Variants in MED1 observed in about 807,000 individuals in gnomAD.
MED1 encodes the protein mediator complex subunit 1, also known as mediator of RNA polymerase II transcription subunit 1.
Under a neutral mutation model 121.3 loss-of-function variants are expected in MED1, and 17 were observed. The ratio of observed to expected loss-of-function variants is 0.14; its 90% CI spans 0.10 to 0.21. MED1 has a LOEUF of 0.21. MED1 is among the 10% of genes least tolerant of loss of function. MED1 has a pLI of 1.00. For synonymous variants in MED1, 661 were observed against 694.4 expected (o/e 0.95, Z 0.76); for missense variants, 1,558 against 1,919.4 (o/e 0.81, Z 3.52).
intron 3 of MED1, among the ~76,000 whole-genome samples, chr17:39,443,212 G>A (rs1330860304): frequency 5.3e-5 from 8 of 151,474 alleles, no homozygotes; most frequent in African/African-American, 1.9e-4. Flanking sequence ...ATGTTGGCCA[G>A]GCTGGTCTCA....
chr17:39,405,076 C>T lies in MED1; in HGVS notation c.*2399G>A. On this transcript the variant is annotated 3_prime_UTR_variant, in exon 17 of 17. Coordinates refer to ENST00000300651, the MANE Select transcript of MED1 (RefSeq NM_004774.4). Reference sequence around the variant, plus strand: ...TTCATGTCCTTGCCTTCTTTTGAAACAGAAGAATGAGTACACCTAGACAGG... The same window carrying T: ...TTCATGTCCTTGCCTTCTTTTGAAATAGAAGAATGAGTACACCTAGACAGG... 1 of 886,168 alleles carries T rather than the reference C, an allele frequency of 1.1e-6. No individual in the cohort carries two copies. Among genetic ancestry groups the T allele is most frequent in the Non-Finnish European group, 1.6e-6 (1 of 621,610 alleles). 54.9% of individuals were successfully genotyped at this position (886,168 alleles called of 1,614,324 possible). A position where few individuals can be genotyped will look rare whatever the true frequency, so the allele number is the denominator to read the frequency against.
Position 39,408,088 on chromosome 17 carries a change from G to A in MED1, c.4133C>T (p.Thr1378Ile). The change falls in exon 17 of 17, where the codon ACC becomes ATC. Residue 1378 changes from threonine to isoleucine, a missense_variant. By Grantham distance (89) the Thr-to-Ile change is moderately conservative. This residue lies in a region of MED1 where 264 missense variants were observed against 326.1 expected (regional missense o/e 0.81). Coordinates refer to ENST00000300651, the MANE Select transcript of MED1 (RefSeq NM_004774.4). This position sits in a 1 kb window ranked among gnomAD's most constrained non-coding sequence, Gnocchi z 4.7. The stretch of plus-strand genomic sequence containing the variant: ...GCTCCCCACATTTTTTGACTCTGAG[G>A]TCTTCTTAGAAGAATCCACTGAACT... ...SGSSVDSSKK[T>I]SESKNVGSTG... 1 of 1,614,102 alleles carries A rather than the reference G, an allele frequency of 6.2e-7. No individual in the cohort carries two copies. Among genetic ancestry groups the A allele is most frequent in the Non-Finnish European group, 8.5e-7 (1 of 1,180,018 alleles).
intron 6 of MED1, among the ~76,000 whole-genome samples, chr17:39,437,335 C>T (rs2048629577): frequency 6.6e-6 from 1 of 152,146 alleles, no homozygotes; most frequent in African/African-American, 2.4e-5. Context: ...ACTTCGACCT[C>T]CCAAATTGTT....
intron 6 of MED1, among the ~76,000 whole-genome samples, chr17:39,435,890 A>G (rs755150440): frequency 5.3e-5 from 8 of 152,058 alleles, no homozygotes; most frequent in Non-Finnish European, 1.0e-4. Flanking sequence ...TTTAGTAGAC[A>G]TAAGGTTTCA....
intron 6 of MED1, among the ~76,000 whole-genome samples, chr17:39,438,505 G>C (rs977615370): frequency 2.2e-4 from 34 of 151,854 alleles, no homozygotes; most frequent in Non-Finnish European, 3.2e-4. Flanking sequence ...ACCACACCCA[G>C]TTAATTTTTT....
intron 9 of MED1, among the ~76,000 whole-genome samples, chr17:39,428,110 G>A (rs900067701): frequency 6.6e-6 from 1 of 152,056 alleles, no homozygotes; most frequent in African/African-American, 2.4e-5. Context: ...AGCACTTTGG[G>A]AGGTAAAGAT....
rs2048398394 is a variant in MED1 at position 39,415,281 on chromosome 17, T to C, written c.1356A>G (p.Val452=). ...AGTCATTCACAGGGTGCTGAAAAGATACGCTGAAACGAGACTCTGAGAGAG... is the reference window on the plus strand; with the variant it reads ...AGTCATTCACAGGGTGCTGAAAAGACACGCTGAAACGAGACTCTGAGAGAG... ...VCPLSESRFS[V]SFQHPVNDSL... The change falls in exon 15 of 17, where the codon GTA becomes GTG. Residue 452 remains valine (V), a synonymous_variant. Coordinates refer to ENST00000300651, the MANE Select transcript of MED1 (RefSeq NM_004774.4). 6.2e-7 allele frequency: 1 copy of C among 1,613,854 alleles called. No individual in the cohort carries two copies. The highest frequency in any genetic ancestry group is 8.5e-7 in the Non-Finnish European group (1 of 1,179,914).
chr17:39,430,655 T>C (rs1000135705), intron 9 of MED1, among the ~76,000 whole-genome samples: 1 of 145,872 alleles, frequency 6.9e-6, no homozygotes, highest in African/African-American at 2.6e-5. Context: ...ATCGCGCCAC[T>C]GTACTCCAGC....
At chr17:39,447,549 T>C (rs1330664965) in intron 2 of MED1, among the ~76,000 whole-genome samples, 3 of 152,162 alleles carry the variant, frequency 2.0e-5, no homozygotes, top group African/African-American at 7.2e-5. Context: ...ATCCCCAAGA[T>C]ATCTCATTAT....
chr17:39,407,682 G>GTCCC lies in MED1; in HGVS notation c.4535_4538dup (p.Asp1513GlufsTer16). ...TGTCTCGGTCTTTGTCCCGGTCTCG[G>GTCCC]TCCCTATCTTTGTCTTTTACTTTCT... On this transcript the variant is annotated frameshift_variant, in exon 17 of 17. Coordinates refer to ENST00000300651, the MANE Select transcript of MED1 (RefSeq NM_004774.4). LOFTEE classifies it high-confidence loss of function. 6.2e-7 allele frequency: 1 copy of GTCCC among 1,614,020 alleles called. No individual in the cohort carries two copies. The highest frequency in any genetic ancestry group is 8.5e-7 in the Non-Finnish European group (1 of 1,179,934).
intron 16 of MED1, among the ~76,000 whole-genome samples, 167 bp downstream of exon 16, chr17:39,414,859 G>A (rs2048393590): frequency 6.6e-6 from 1 of 151,278 alleles, no homozygotes; most frequent in Non-Finnish European, 1.5e-5. Context: ...TAGTAGAGAT[G>A]GGGGTTCACC....
chr17:39,421,238 CAA>C (rs760121026), intron 13 of MED1, among the ~76,000 whole-genome samples: 33 of 64,792 alleles, frequency 5.1e-4, no homozygotes, highest in Admixed American at 7.1e-4. Flanking sequence ...GCACCAAGAG[CAA>C]AAAAAAAAAA....
intron 16 of MED1, among the ~76,000 whole-genome samples, chr17:39,413,103 C>T (rs2048371550): frequency 6.6e-6 from 1 of 152,072 alleles, no homozygotes; most frequent in African/African-American, 2.4e-5. Flanking sequence ...GAGATGGCAT[C>T]TTGCTCTGTC....
intron 13 of MED1, 139 bp from the exon 14 acceptor site, chr17:39,420,057 A>G (rs543523410): frequency 2.1e-5 from 14 of 656,588 alleles, no homozygotes; most frequent in Non-Finnish European, 3.4e-5. Flanking sequence ...GATATTATAA[A>G]TGTCAATCAA....
Position 39,408,042 on chromosome 17 carries a change from G to A in MED1, c.4179C>T (p.Ile1393=), listed in dbSNP as rs2048319650. The A allele has an allele frequency of 6.2e-7, 1 of 1,614,054 alleles. No individual in the cohort carries two copies. The highest frequency in any genetic ancestry group is 8.5e-7 in the Non-Finnish European group (1 of 1,180,042). ...NVGSTGVAKI[I]ISKHDGGSPS... is the part of the protein sequence containing the mutation. The stretch of plus-strand genomic sequence containing the variant: ...GGGAGCCTCCATCATGCTTACTGAT[G>A]ATAATTTTTGCCACACCTGTGCTCC... The change falls in exon 17 of 17, where the codon ATC becomes ATT. Residue 1393 remains isoleucine, a synonymous_variant. Coordinates refer to ENST00000300651, the MANE Select transcript of MED1 (RefSeq NM_004774.4). The surrounding 1 kb of genome is among the most constrained non-coding windows in gnomAD (Gnocchi z 4.7).
chr17:39,422,959 A>G (rs1467250766), intron 13 of MED1, among the ~76,000 whole-genome samples: 2 of 132,528 alleles, frequency 1.5e-5, no homozygotes, highest in Non-Finnish European at 3.1e-5. Context: ...TCTGCCTCCC[A>G]GATTCAAGCC....
Position 39,427,702 on chromosome 17 carries a change from A to G in MED1, c.738T>C (p.Asn246=), listed in dbSNP as rs995609557. ...TASPIILHEN[N]VSRSLGMNAS... ...ATTCCTTTACAATTAAAGTCTTACC[A>G]TTATTCTCATGCAAAATGATGGGAG... The change falls in exon 10 of 17, where the codon AAT becomes AAC. Residue 246 remains asparagine, a splice_region_variant and synonymous_variant. Transcript: ENST00000300651. The G allele has an allele frequency of 1.3e-6, 2 of 1,585,298 alleles. No individual in the cohort carries two copies. The highest frequency in any genetic ancestry group is 1.7e-6 in the Non-Finnish European group (2 of 1,154,800).
chr17:39,446,788 A>C (rs893734200), intron 2 of MED1, among the ~76,000 whole-genome samples: 23 of 152,056 alleles, frequency 1.5e-4, no homozygotes, highest in Admixed American at 8.5e-4. Context: ...AAAAAAAAAA[A>C]AAACTAGCTG....
Position 39,424,635 on chromosome 17 carries a change from G to A in MED1, c.843C>T (p.Asp281=), listed in dbSNP as rs189844609. ...APLIMGSHPV[D]NKWTPSFSSI... ...AATTATATTTAACTTACCATTTATTGTCAACTGGATGTGACCCCATAATTA... is the reference window on the plus strand; with the variant it reads ...AATTATATTTAACTTACCATTTATTATCAACTGGATGTGACCCCATAATTA... The change falls in exon 11 of 17, where the codon GAC becomes GAT. Residue 281 remains aspartate, a synonymous_variant. Transcript: ENST00000300651. 3.2e-6 allele frequency: 5 copies of A among 1,576,448 alleles called. No homozygotes were observed. The highest frequency in any genetic ancestry group is 4.3e-6 in the Non-Finnish European group (5 of 1,155,202).
Sources: allele counts gnomAD v4.1 joint callset (sites outside exome capture counted in the v4.1 genomes callset), GRCh38; gene constraint gnomAD v4.1.1; regional missense constraint gnomAD v4.1.1; non-coding constraint Gnocchi (gnomAD v3.1); transcripts MANE v1.5; gene names NCBI Gene and HGNC (gene_info 2026-07-23, HGNC 2026-07-21).